The following EFR3B variants were observed in gnomAD, a reference collection of about 807,000 sequenced individuals.
The protein encoded by EFR3B is protein EFR3 homolog B.
Under a neutral mutation model 104.7 loss-of-function variants are expected in EFR3B, and 64 were observed. The ratio of observed to expected loss-of-function variants is 0.61; its 90% CI spans 0.50 to 0.75. The LOEUF (loss-of-function observed/expected upper bound fraction) is 0.75, where lower values mean the gene tolerates loss of function less well. Ranked by LOEUF, EFR3B falls within the 30% of genes least tolerant of loss-of-function variation. The pLI, the probability that EFR3B is intolerant of heterozygous loss-of-function variation, is 0.00. For synonymous variants in EFR3B, 385 were observed against 417.9 expected (o/e 0.92, Z 0.96); for missense variants, 750 against 1,078.5 (o/e 0.70, Z 4.27).
rs2164808 is a variant in EFR3B at position 25,154,307 on chromosome 2, T to G, written c.2421T>G (p.Tyr807Ter). ...CGCAGAACCACTCCATCCCCGTCTA[T>G]GAAATGAAGTTTCCCGATCTGTGTG... ...GQPQNHSIPV[Y>*]EMKFPDLCVY Residue 807 changes from tyrosine to a stop codon, truncating the protein, a stop_gained, in exon 23 of 23, where the codon TAT becomes TAG. Coordinates refer to ENST00000403714, the MANE Select transcript of EFR3B (RefSeq NM_014971.2). LOFTEE classifies it high-confidence loss of function. The surrounding 1 kb of genome is among the most constrained non-coding windows in gnomAD (Gnocchi z 4.1). 6 of 1,551,848 alleles carry G rather than the reference T, an allele frequency of 3.9e-6. No homozygotes were observed. Among genetic ancestry groups the G allele is most frequent in the Non-Finnish European group, 5.2e-6 (6 of 1,147,068 alleles).
intron 1 of EFR3B, among the ~76,000 whole-genome samples, chr2:25,051,642 T>G (rs1232025615): frequency 1.3e-5 from 2 of 149,996 alleles, no homozygotes; most frequent in Non-Finnish European, 3.0e-5. Flanking sequence ...TGTGTGTTTT[T>G]TTTTTTTTTT....
At chr2:25,152,430 G>C (rs1187140204) in intron 21 of EFR3B, among the ~76,000 whole-genome samples, 1 of 152,204 alleles carries the variant, frequency 6.6e-6, no homozygotes, top group Non-Finnish European at 1.5e-5. Context: ...TCATTCTCAT[G>C]ATAACTCCAT....
chr2:25,121,609 G>A (rs1670016352), intron 4 of EFR3B, 64 bp from the exon 5 acceptor site: 1 of 1,541,800 alleles, frequency 6.5e-7, no homozygotes, highest in Non-Finnish European at 8.8e-7. Flanking sequence ...GTCTGGGGAT[G>A]CCCAGCAGTG....
intron 1 of EFR3B, among the ~76,000 whole-genome samples, chr2:25,069,263 C>A (rs1207578197): frequency 1.3e-5 from 2 of 152,118 alleles, no homozygotes; most frequent in Non-Finnish European, 2.9e-5. Flanking sequence ...GGCACAGCAG[C>A]GAAGCCAGGG....
At chr2:25,074,095 A>G (rs1040679605) in intron 1 of EFR3B, among the ~76,000 whole-genome samples, 1 of 152,180 alleles carries the variant, frequency 6.6e-6, no homozygotes, top group Non-Finnish European at 1.5e-5. Context: ...GATACTCAAT[A>G]TATGAGTCAG....
At chr2:25,045,082 G>A (rs757890677) in intron 1 of EFR3B, among the ~76,000 whole-genome samples, 1 of 152,118 alleles carries the variant, frequency 6.6e-6, no homozygotes, top group Non-Finnish European at 1.5e-5. Flanking sequence ...AAGAGGTTCC[G>A]AGCTCCTGAA....
At chr2:25,084,219 T>C (rs1668886799) in intron 1 of EFR3B, among the ~76,000 whole-genome samples, 1 of 151,422 alleles carries the variant, frequency 6.6e-6, no homozygotes, top group African/African-American at 2.4e-5. Flanking sequence ...AGTTAATTAA[T>C]TATTTTTTTT....
intron 3 of EFR3B, among the ~76,000 whole-genome samples, chr2:25,101,564 T>C (rs1669432838): frequency 6.6e-6 from 1 of 152,108 alleles, no homozygotes; most frequent in Non-Finnish European, 1.5e-5. Flanking sequence ...GCCCAGGCTG[T>C]CTTGAACTCC....
intron 1 of EFR3B, chr2:25,080,336 C>G: frequency 1.8e-6 from 1 of 558,702 alleles, no homozygotes; most frequent in South Asian, 2.3e-5. Flanking sequence ...CTCTTGTCGT[C>G]CAGGCTGGAG....
chr2:25,110,455 C>A (rs779138732), intron 4 of EFR3B, among the ~76,000 whole-genome samples: 1 of 152,184 alleles, frequency 6.6e-6, no homozygotes, highest in Non-Finnish European at 1.5e-5. Context: ...TCTCAAGATG[C>A]CTTTGCCTTC....
intron 12 of EFR3B, among the ~76,000 whole-genome samples, chr2:25,135,090 A>G (rs1193593191): frequency 2.0e-5 from 3 of 151,978 alleles, no homozygotes; most frequent in Non-Finnish European, 4.4e-5. Context: ...GTTCTTTGTG[A>G]TGGTCATACT....
chr2:25,054,825 T>C (rs558080301), intron 1 of EFR3B, among the ~76,000 whole-genome samples: 8 of 152,296 alleles, frequency 5.3e-5, no homozygotes, highest in African/African-American at 1.4e-4. Context: ...GGGACAACCA[T>C]GAACTGATCA....
intron 4 of EFR3B, among the ~76,000 whole-genome samples, chr2:25,104,539 C>T (rs1573205489): frequency 1.3e-5 from 2 of 152,126 alleles, no homozygotes; most frequent in African/African-American, 2.4e-5. Context: ...ATATAAAAAT[C>T]GATGGAAACA....
In EFR3B at chr2:25,103,751, A is replaced by C; in HGVS notation, c.327A>C (p.Ser109=). 1 of 1,551,730 alleles carries C rather than the reference A, an allele frequency of 6.4e-7. No homozygotes were observed. Among genetic ancestry groups the C allele is most frequent in the Non-Finnish European group, 8.7e-7 (1 of 1,146,976 alleles). The change falls in exon 4 of 23, where the codon TCA becomes TCC. Residue 109 remains serine, a synonymous_variant. Transcript: ENST00000403714. ...AGATGGTGGCCAAGCTGCTGGAGTCAGAGAAACCCAACCTGCAGATCCTCG... is the reference window on the plus strand; with the variant it reads ...AGATGGTGGCCAAGCTGCTGGAGTCCGAGAAACCCAACCTGCAGATCCTCG... ...FLKMVAKLLE[S]EKPNLQILGT...
At chr2:25,111,459 C>T (rs941388664) in intron 4 of EFR3B, among the ~76,000 whole-genome samples, 1 of 152,160 alleles carries the variant, frequency 6.6e-6, no homozygotes, top group African/African-American at 2.4e-5. Flanking sequence ...CTTCCTCAGG[C>T]CTGTCACTCC....
chr2:25,134,245 T>C (rs1411124526), intron 12 of EFR3B, among the ~76,000 whole-genome samples: 1 of 151,720 alleles, frequency 6.6e-6, no homozygotes, highest in Non-Finnish European at 1.5e-5. Context: ...AGTGGTGCGA[T>C]CTTGGCTCAC....
chr2:25,091,084 C>T (rs1669099743), intron 1 of EFR3B, among the ~76,000 whole-genome samples: 1 of 151,918 alleles, frequency 6.6e-6, no homozygotes, highest in African/African-American at 2.4e-5. Context: ...TGCCCAACCC[C>T]CAAGCAAAAG....
chr2:25,099,870 TA>T (rs59603684), intron 3 of EFR3B, among the ~76,000 whole-genome samples: 38,211 of 138,812 alleles, frequency 0.28, 5,104 homozygotes, highest in East Asian at 0.48. Context: ...AAACTTTGTT[TA>T]AAAAAAAAAA....
intron 19 of EFR3B, chr2:25,147,143 T>G (rs1195612001): frequency 6.6e-6 from 1 of 152,258 alleles, no homozygotes; most frequent in Non-Finnish European, 1.5e-5. Context: ...CTGTTCAGTT[T>G]CCTCATAAAC....
Sources: gnomAD v4.1 joint callset for allele counts (sites outside exome capture counted in the v4.1 genomes callset) on GRCh38, gnomAD v4.1.1 for gene constraint, Gnocchi (gnomAD v3.1) non-coding constraint, MANE v1.5 for transcripts, NCBI Gene and HGNC (gene_info 2026-07-23, HGNC 2026-07-21) for gene names.